Variants in RGS7 observed in about 807,000 individuals in gnomAD.
RGS7 encodes the protein regulator of G protein signaling 7, also known as regulator of G-protein signaling 7.
In RGS7, 27 loss-of-function variants were observed where a neutral mutation model predicts 81.1. The ratio of observed to expected loss-of-function variants is 0.33; its 90% CI spans 0.25 to 0.46. The LOEUF (loss-of-function observed/expected upper bound fraction) is 0.46, where lower values mean the gene tolerates loss of function less well. Ranked by LOEUF, RGS7 falls within the 20% of genes least tolerant of loss-of-function variation. The pLI is 1.00. For missense variants in RGS7, 396 were observed against 607.4 expected (o/e 0.65, Z 3.66); for synonymous variants, 208 against 207.7 (o/e 1.00, Z -0.01).
intron 2 of RGS7, among the ~76,000 whole-genome samples, chr1:241,246,872 A>C (rs1372162464): frequency 6.6e-6 from 1 of 151,968 alleles, no homozygotes; most frequent in African/African-American, 2.4e-5. Flanking sequence ...GAAGTAGGGG[A>C]TACATGAACG....
intron 3 of RGS7, among the ~76,000 whole-genome samples, chr1:241,019,480 A>G (rs911077168): frequency 2.6e-5 from 4 of 152,024 alleles, no homozygotes; most frequent in African/African-American, 9.7e-5. Context: ...TACATTAGGT[A>G]TTTCTCCTAA....
At chr1:241,134,569 G>A (rs1191877652) in intron 2 of RGS7, among the ~76,000 whole-genome samples, 1 of 152,206 alleles carries the variant, frequency 6.6e-6, no homozygotes, top group East Asian at 1.9e-4. Flanking sequence ...GAATAGAATG[G>A]ATATTAGATG....
At chr1:241,280,658 C>G (rs114318543) in intron 2 of RGS7, among the ~76,000 whole-genome samples, 2,130 of 152,226 alleles carry the variant, frequency 0.014, 49 homozygotes, top group African/African-American at 0.049. Flanking sequence ...TCACCATGCT[C>G]GGCTATTTTT....
At position 241,111,618 on chromosome 1, in the gene RGS7, T is replaced by C. The variant is rs190600332; in HGVS notation, c.79-12856A>G. The stretch of plus-strand genomic sequence containing the variant: ...TAGCAAGACCCCCCCTCTCTACAAG[T>C]AAAAAAAAAAATGAAAAGACAAGTG... On this transcript the variant is annotated intron_variant, in intron 2 of 18. Transcript: ENST00000440928. 2.1e-3 allele frequency among the ~76,000 whole-genome samples: 302 copies of C among 146,838 alleles called. 6 individuals are homozygous for C. The highest frequency in any genetic ancestry group is 6.1e-3 in the African/African-American group (245 of 40,170).
intron 18 of RGS7, among the ~76,000 whole-genome samples, chr1:240,777,042 C>T (rs1202237065): frequency 6.6e-6 from 1 of 152,164 alleles, no homozygotes; most frequent in Admixed American, 6.5e-5. Flanking sequence ...CGCCTGTAAT[C>T]CCAGCATTTT....
chr1:241,274,905 C>T (rs931492004), intron 2 of RGS7, among the ~76,000 whole-genome samples: 3 of 152,166 alleles, frequency 2.0e-5, no homozygotes, highest in East Asian at 1.9e-4. Flanking sequence ...GATAACATCA[C>T]GACCAGAGTA....
At chr1:241,353,804 T>C (rs1037819281) in intron 2 of RGS7, among the ~76,000 whole-genome samples, 5 of 152,168 alleles carry the variant, frequency 3.3e-5, no homozygotes, top group Non-Finnish European at 7.4e-5. Context: ...GTAAAATTAA[T>C]GGCGATTCGA....
At chr1:240,834,446 AG>A (rs1459512019) in intron 9 of RGS7, among the ~76,000 whole-genome samples, 3 of 152,184 alleles carry the variant, frequency 2.0e-5, no homozygotes, top group African/African-American at 7.2e-5. Context: ...GTTGAGTAGA[AG>A]TCACAGACCA....
intron 3 of RGS7, among the ~76,000 whole-genome samples, chr1:241,062,201 TC>T (rs1440162424): frequency 1.3e-5 from 2 of 152,202 alleles, no homozygotes; most frequent in Non-Finnish European, 2.9e-5. Flanking sequence ...CATTGTGTAT[TC>T]ATAAATATTT....
At chr1:241,098,793 A>T (rs1336779147) in intron 2 of RGS7, 31 bp from the exon 3 acceptor site, 3 of 1,528,376 alleles carry the variant, frequency 2.0e-6, no homozygotes, top group Non-Finnish European at 2.7e-6. Flanking sequence ...TAAAACCTTT[A>T]TAAAGTTGAA....
At chr1:241,020,658 T>C (rs2059491124) in intron 3 of RGS7, among the ~76,000 whole-genome samples, 1 of 152,210 alleles carries the variant, frequency 6.6e-6, no homozygotes, top group Non-Finnish European at 1.5e-5. Context: ...CAATCTTCTA[T>C]AATGTATTAG....
intron 3 of RGS7, among the ~76,000 whole-genome samples, chr1:241,022,708 AT>A (rs2059601216): frequency 6.6e-6 from 1 of 152,166 alleles, no homozygotes; most frequent in Admixed American, 6.5e-5. Flanking sequence ...TTTCAGGAAA[AT>A]TGATTAGAAT....
rs141219604 is a variant in RGS7, at chr1:241,039,085, A to G, written c.176-55956T>C. On this transcript the variant is annotated intron_variant, in intron 3 of 18. Coordinates refer to ENST00000440928, the MANE Select transcript of RGS7 (RefSeq NM_001364886.1). ...CGATGTTGTGACCACAGAGAAGGACAGACAAAAGAATACATCTGTGTGTGA... is the reference window on the plus strand; with the variant it reads ...CGATGTTGTGACCACAGAGAAGGACGGACAAAAGAATACATCTGTGTGTGA... Among the ~76,000 whole-genome samples the G allele has an allele frequency of 3.3e-3, 509 of 152,312 alleles. 4 individuals carry two copies. Among genetic ancestry groups the G allele is most frequent in the African/African-American group, 0.012 (495 of 41,580 alleles).
rs79893077 is a variant in RGS7 at position 241,284,285 on chromosome 1, T to C, written c.78+71414A>G. Among the ~76,000 whole-genome samples, 46 of 152,298 alleles carry C rather than the reference T, an allele frequency of 3.0e-4. 1 individual carries two copies. Among genetic ancestry groups the C allele is most frequent in the Admixed American group, 2.1e-3 (32 of 15,308 alleles). On this transcript the variant is annotated intron_variant, in intron 2 of 18. Transcript: ENST00000440928. ...CTTATGTATTAGTTGGCTTTTCTAA[T>C]ACTTCTTTGGCAGGGAAGAGAAGAG...
intron 3 of RGS7, among the ~76,000 whole-genome samples, chr1:241,093,330 T>A (rs1279293470): frequency 6.6e-6 from 1 of 152,196 alleles, no homozygotes; most frequent in Admixed American, 6.5e-5. Flanking sequence ...ACACCTGACT[T>A]TTTAAACCTC....
intron 3 of RGS7, among the ~76,000 whole-genome samples, chr1:241,082,899 T>C (rs1175375180): frequency 6.6e-6 from 1 of 152,108 alleles, no homozygotes; most frequent in Admixed American, 6.6e-5. Context: ...GAGAACTTTG[T>C]CATTGCCCAG....
intron 2 of RGS7, among the ~76,000 whole-genome samples, chr1:241,302,454 C>A (rs1227521264): frequency 6.6e-6 from 1 of 152,086 alleles, no homozygotes; most frequent in African/African-American, 2.4e-5. Flanking sequence ...GAGGCTGAGG[C>A]AGGAGAATGG....
chr1:240,776,296 CT>C, intron 18 of RGS7, 83 bp from the exon 19 acceptor site: 1 of 1,030,662 alleles, frequency 9.7e-7, no homozygotes, highest in Non-Finnish European at 1.5e-6. Context: ...CAACTATTTA[CT>C]GTAGCTGATT....
chr1:240,969,435 T>C (rs892359281), intron 4 of RGS7, among the ~76,000 whole-genome samples: 2 of 152,198 alleles, frequency 1.3e-5, no homozygotes, highest in African/African-American at 4.8e-5. Flanking sequence ...TGTAGAAATA[T>C]CAAGCTCTGC....
Sources: allele counts gnomAD v4.1 joint callset (sites outside exome capture counted in the v4.1 genomes callset), GRCh38; gene constraint gnomAD v4.1.1; transcripts MANE v1.5; gene names NCBI Gene and HGNC (gene_info 2026-07-23, HGNC 2026-07-21).